CCDC178: variants seen among roughly 807,000 people sequenced by gnomAD.
CCDC178 encodes the protein coiled-coil domain containing 178, also known as coiled-coil domain-containing protein 178.
In CCDC178, 126 loss-of-function variants were observed where a neutral mutation model predicts 117.4. That is an observed-to-expected ratio of 1.07 (90% confidence interval 0.93 to 1.24). CCDC178 has a LOEUF of 1.24. CCDC178 is among the 50% of genes most tolerant of loss of function. The pLI, the probability that CCDC178 is intolerant of heterozygous loss-of-function variation, is 0.00. For missense variants in CCDC178, 1,030 were observed against 986.9 expected, an observed-to-expected ratio of 1.04 and a Z score of -0.59; for synonymous variants, 283 against 313.4, an observed-to-expected ratio of 0.90 and a Z score of 1.02.
chr18:33,335,602 A>G (rs1313495436), intron 9 of CCDC178, among the ~76,000 whole-genome samples: 5 of 152,012 alleles, frequency 3.3e-5, no homozygotes, highest in African/African-American at 1.2e-4. Context: ...TTTACAGTTA[A>G]CTATTACTTC....
chr18:33,417,685 T>C (rs1342478133), intron 2 of CCDC178, among the ~76,000 whole-genome samples: 2 of 152,152 alleles, frequency 1.3e-5, no homozygotes, highest in African/African-American at 2.4e-5. Context: ...AGTATAACAT[T>C]GGGAACTGAT....
At chr18:32,966,095 TTACTC>T (rs974600832) in intron 22 of CCDC178, among the ~76,000 whole-genome samples, 5 of 151,694 alleles carry the variant, frequency 3.3e-5, no homozygotes, top group East Asian at 1.9e-4. Context: ...TTAAAAATGT[TTACTC>T]TATAATGTAT....
chr18:32,959,592 T>C (rs1055368399), intron 22 of CCDC178, among the ~76,000 whole-genome samples: 1 of 152,108 alleles, frequency 6.6e-6, no homozygotes, highest in Non-Finnish European at 1.5e-5. Context: ...CTTTTAAAAA[T>C]GTATCCTAAT....
chr18:33,084,994 G>A (rs2057356980), intron 21 of CCDC178, among the ~76,000 whole-genome samples: 1 of 151,848 alleles, frequency 6.6e-6, no homozygotes, highest in South Asian at 2.1e-4. Context: ...ATTCCTTAGG[G>A]CCTCTGCATG....
intron 21 of CCDC178, among the ~76,000 whole-genome samples, chr18:32,988,157 C>G (rs150874428): frequency 6.9e-6 from 1 of 144,902 alleles, no homozygotes; most frequent in Non-Finnish European, 1.5e-5. Flanking sequence ...TGTTGGCTGA[C>G]GCGGTGGCTC....
intron 5 of CCDC178, among the ~76,000 whole-genome samples, chr18:33,378,841 T>C (rs1210650655): frequency 6.6e-6 from 1 of 152,066 alleles, no homozygotes; most frequent in Non-Finnish European, 1.5e-5. Context: ...AGTTTGCTAG[T>C]ATTTTGTTGA....
chr18:32,941,693 A>G (rs796906258), intron 22 of CCDC178, among the ~76,000 whole-genome samples: 3 of 152,300 alleles, frequency 2.0e-5, no homozygotes, highest in African/African-American at 7.2e-5. Flanking sequence ...AGTATGGGCA[A>G]AGGTGCAGAT....
chr18:33,147,413 G>T (rs1470355098), intron 20 of CCDC178, among the ~76,000 whole-genome samples: 1 of 138,112 alleles, frequency 7.2e-6, no homozygotes, highest in Admixed American at 7.4e-5. Context: ...GGTGTTTCTC[G>T]GAGAGGGGGA....
At chr18:33,296,898 C>A (rs1464407670) in intron 11 of CCDC178, among the ~76,000 whole-genome samples, 1 of 152,056 alleles carries the variant, frequency 6.6e-6, no homozygotes, top group Non-Finnish European at 1.5e-5. Context: ...GTGTCGTACA[C>A]CTGTAATCCC....
intron 21 of CCDC178, among the ~76,000 whole-genome samples, chr18:33,043,072 C>T: frequency 6.6e-6 from 1 of 151,962 alleles, no homozygotes; most frequent in South Asian, 2.1e-4. Flanking sequence ...CATAAAAATT[C>T]ATTTGAAGAA....
chr18:33,197,789 TC>T (rs1407258076), intron 20 of CCDC178, among the ~76,000 whole-genome samples: 1 of 152,216 alleles, frequency 6.6e-6, no homozygotes, highest in Non-Finnish European at 1.5e-5. Flanking sequence ...TAAAACTATT[TC>T]TACTAATTTT....
At chr18:33,116,501 G>A (rs1275921871) in intron 20 of CCDC178, among the ~76,000 whole-genome samples, 1 of 152,116 alleles carries the variant, frequency 6.6e-6, no homozygotes, top group African/African-American at 2.4e-5. Context: ...TGGCCCAGCT[G>A]GGTTCCCGGC....
intron 22 of CCDC178, among the ~76,000 whole-genome samples, chr18:32,955,068 T>C (rs536628393): frequency 1.4e-4 from 21 of 152,290 alleles, no homozygotes; most frequent in African/African-American, 4.8e-4. Context: ...GTTCCAGTCA[T>C]GAAACCTCTA....
At chr18:33,202,410 A>C (rs1311311520) in intron 20 of CCDC178, among the ~76,000 whole-genome samples, 3 of 149,968 alleles carry the variant, frequency 2.0e-5, no homozygotes, top group Non-Finnish European at 4.5e-5. Flanking sequence ...AAAAAAAAAA[A>C]AAAAAAAAAA....
chr18:33,236,290 T>G (rs2144664345), intron 15 of CCDC178, among the ~76,000 whole-genome samples: 1 of 152,288 alleles, frequency 6.6e-6, no homozygotes, highest in Non-Finnish European at 1.5e-5. Flanking sequence ...AATCAGTCCA[T>G]GAAAGATAAT....
intron 20 of CCDC178, among the ~76,000 whole-genome samples, chr18:33,198,301 C>T (rs2058955970): frequency 6.6e-6 from 1 of 152,152 alleles, no homozygotes; most frequent in African/African-American, 2.4e-5. Flanking sequence ...CCTATCTCTA[C>T]CTCTCCTAAA....
intron 20 of CCDC178, among the ~76,000 whole-genome samples, chr18:33,108,687 A>T (rs1400597130): frequency 6.6e-6 from 1 of 151,704 alleles, no homozygotes; most frequent in Admixed American, 6.6e-5. Context: ...ACAATTAAAT[A>T]TAGCTTAATT....
chr18:33,270,096 A>C (rs904244201), intron 12 of CCDC178, among the ~76,000 whole-genome samples: 89 of 151,842 alleles, frequency 5.9e-4, no homozygotes, highest in African/African-American at 2.0e-3. Flanking sequence ...TGAACTAAAA[A>C]ATTTTTGCTA....
intron 11 of CCDC178, among the ~76,000 whole-genome samples, chr18:33,317,160 G>C (rs144215814): frequency 0.07 from 10,639 of 152,052 alleles, 470 homozygotes; most frequent in Non-Finnish European, 0.093. Context: ...AACAAATCTT[G>C]CTACTGCTCA....
Sources: gnomAD v4.1 joint callset for allele counts (sites outside exome capture counted in the v4.1 genomes callset) on GRCh38, gnomAD v4.1.1 for gene constraint, MANE v1.5 for transcripts, NCBI Gene and HGNC (gene_info 2026-07-23, HGNC 2026-07-21) for gene names.